The following ADGB variants were observed in gnomAD, a reference collection of about 807,000 sequenced individuals.
The protein encoded by ADGB is calpain-7-like protein.
In ADGB, 172 loss-of-function variants were observed where a neutral mutation model predicts 210.5. The ratio of observed to expected loss-of-function variants is 0.82; its 90% confidence interval spans 0.72 to 0.93. The LOEUF (loss-of-function observed/expected upper bound fraction) is 0.93, where lower values mean the gene tolerates loss of function less well. ADGB is among the 40% of genes least tolerant of loss of function. The pLI, the probability that ADGB is intolerant of heterozygous loss-of-function variation, is 0.00. For synonymous variants in ADGB, 658 were observed against 662.7 expected (o/e 0.99, Z 0.11); for missense variants, 2,025 against 1,964.8 (o/e 1.03, Z -0.58).
chr6:146,787,846 G>C (rs920151295), intron 32 of ADGB, among the ~76,000 whole-genome samples: 4 of 152,158 alleles, frequency 2.6e-5, no homozygotes, highest in Non-Finnish European at 5.9e-5. Context: ...TCTATATAAT[G>C]AGGAAATTAT....
In ADGB at chr6:146,752,702, T is replaced by G; in HGVS notation, c.3538T>G (p.Leu1180Val). ...TCACTTCTTGAAGAGTGAGAAAGGT[T>G]TGAGCTCCCAGTGTAAGTGTACCTT... ...AFHFLKSEKG[L>V]SSQSSKHILS... The change falls in exon 27 of 36, where the codon TTG becomes GTG. Residue 1180 changes from leucine to valine, a missense_variant. Physicochemically the swap from Leu to Val is conservative, Grantham distance 32 (BLOSUM62 1). Transcript: ENST00000397944. 1 of 1,549,564 alleles carries G rather than the reference T, an allele frequency of 6.5e-7. No homozygotes were observed. The highest frequency in any genetic ancestry group is 8.7e-7 in the Non-Finnish European group (1 of 1,145,894).
intron 3 of ADGB, among the ~76,000 whole-genome samples, chr6:146,652,279 C>G (rs1039732908): frequency 4.6e-5 from 7 of 152,156 alleles, no homozygotes; most frequent in African/African-American, 1.4e-4. Context: ...AGCTTATCAA[C>G]TTTGGTAATC....
At chr6:146,736,038 G>A (rs1233230259) in intron 22 of ADGB, among the ~76,000 whole-genome samples, 3 of 152,164 alleles carry the variant, frequency 2.0e-5, no homozygotes, top group Non-Finnish European at 4.4e-5. Flanking sequence ...ATTTGAGGCT[G>A]TTAATAAGGA....
At chr6:146,730,987 G>T (rs578136513) in intron 20 of ADGB, among the ~76,000 whole-genome samples, 1 of 152,200 alleles carries the variant, frequency 6.6e-6, no homozygotes, top group African/African-American at 2.4e-5. Flanking sequence ...GAGAGAGAGA[G>T]GAACAGAGAG....
At chr6:146,756,292 C>T (rs1172525949) in intron 27 of ADGB, among the ~76,000 whole-genome samples, 1 of 152,092 alleles carries the variant, frequency 6.6e-6, no homozygotes, top group Non-Finnish European at 1.5e-5. Context: ...CCATTCTCCC[C>T]AGAGCTTTCT....
chr6:146,649,294 A>T (rs1226621546), intron 3 of ADGB, among the ~76,000 whole-genome samples: 2 of 151,884 alleles, frequency 1.3e-5, no homozygotes, highest in Non-Finnish European at 2.9e-5. Context: ...TGAAACAACA[A>T]TATTAAGTTA....
chr6:146,654,298 T>A, intron 4 of ADGB, 92 bp downstream of exon 4: 1 of 724,334 alleles, frequency 1.4e-6, no homozygotes, highest in East Asian at 3.1e-5. Flanking sequence ...AACTCTCCCT[T>A]GCTCACCTTT....
intron 12 of ADGB, among the ~76,000 whole-genome samples, chr6:146,693,847 A>G (rs1052763231): frequency 6.6e-6 from 1 of 152,196 alleles, no homozygotes; most frequent in Non-Finnish European, 1.5e-5. Context: ...ACAGAAAATC[A>G]GCCAAAGTCT....
In ADGB at chr6:146,728,581, G is replaced by A. The variant is rs1350328784; in HGVS notation, c.2360G>A (p.Cys787Tyr). The change falls in exon 20 of 36, where the codon TGC becomes TAC. Residue 787 changes from cysteine to tyrosine, a missense_variant. Physicochemically the swap from Cys to Tyr is radical, Grantham distance 194. Coordinates refer to ENST00000397944, the MANE Select transcript of ADGB (RefSeq NM_024694.4). ...VVLPNFEPES[C>Y]RFTEQSLLIM... ...CATGCTTTGTCTTCACAGGAGAGCT[G>A]CCGATTTACGGAACAGTCTCTGTTG... The A allele has an allele frequency of 1.3e-6, 2 of 1,551,136 alleles. No individual in the cohort carries two copies. The highest frequency in any genetic ancestry group is 3.9e-5 in the Admixed American group (2 of 50,994).
At chr6:146,634,065 C>A (rs1434144490) in intron 1 of ADGB, among the ~76,000 whole-genome samples, 2 of 152,010 alleles carry the variant, frequency 1.3e-5, no homozygotes, top group African/African-American at 4.8e-5. Context: ...AACTTTTATA[C>A]CGTGTTTTTA....
chr6:146,739,394 A>G (rs1275992475), intron 23 of ADGB, among the ~76,000 whole-genome samples: 2 of 152,192 alleles, frequency 1.3e-5, no homozygotes, highest in Non-Finnish European at 2.9e-5. Flanking sequence ...ACTGTAATAA[A>G]TAGTTAATAA....
At chr6:146,654,252 C>A in intron 4 of ADGB, 46 bp downstream of exon 4, 9 of 1,365,512 alleles carry the variant, frequency 6.6e-6, no homozygotes, top group Non-Finnish European at 9.1e-6. Flanking sequence ...AAATGACTTC[C>A]AGTCCTGCTT....
At chr6:146,658,871 T>A (rs1001923429) in intron 5 of ADGB, among the ~76,000 whole-genome samples, 1 of 152,134 alleles carries the variant, frequency 6.6e-6, no homozygotes, top group Non-Finnish European at 1.5e-5. Flanking sequence ...TCCTCAGTGG[T>A]CTCATCAGAG....
At chr6:146,605,090 T>C (rs1265726709) in intron 1 of ADGB, among the ~76,000 whole-genome samples, 1 of 152,108 alleles carries the variant, frequency 6.6e-6, no homozygotes, top group Non-Finnish European at 1.5e-5. Context: ...AGGGATAGAT[T>C]AAGGAATTCA....
intron 13 of ADGB, among the ~76,000 whole-genome samples, chr6:146,708,314 G>A (rs956661745): frequency 3.9e-5 from 6 of 152,020 alleles, no homozygotes; most frequent in Non-Finnish European, 7.4e-5. Flanking sequence ...TTACCAGTGA[G>A]TTTTATACTC....
intron 16 of ADGB, among the ~76,000 whole-genome samples, chr6:146,719,036 T>C (rs1776777111): frequency 6.6e-6 from 1 of 152,212 alleles, no homozygotes; most frequent in African/African-American, 2.4e-5. Context: ...ATTTAAACTA[T>C]TGCTAGTGGT....
chr6:146,674,117 T>A (rs1267197753), intron 8 of ADGB, among the ~76,000 whole-genome samples: 1 of 152,160 alleles, frequency 6.6e-6, no homozygotes, highest in East Asian at 1.9e-4. Context: ...TGAACTATGA[T>A]GAAAATTTAA....
chr6:146,726,570 C>T, intron 19 of ADGB, among the ~76,000 whole-genome samples: 1 of 152,174 alleles, frequency 6.6e-6, no homozygotes, highest in Non-Finnish European at 1.5e-5. Context: ...TTGAACTAAA[C>T]ACATTTTTAT....
intron 13 of ADGB, among the ~76,000 whole-genome samples, chr6:146,701,869 TA>T (rs772328219): frequency 2.0e-4 from 31 of 151,956 alleles, no homozygotes; most frequent in Non-Finnish European, 4.0e-4. Flanking sequence ...CCACATGAAA[TA>T]CAGCAACAGG....
Sources: allele counts gnomAD v4.1 joint callset (sites outside exome capture counted in the v4.1 genomes callset), GRCh38; gene constraint gnomAD v4.1.1; transcripts MANE v1.5; gene names NCBI Gene and HGNC (gene_info 2026-07-23, HGNC 2026-07-21).